MAP3K15: variants seen among roughly 807,000 people sequenced by gnomAD.
The protein encoded by MAP3K15 is mitogen-activated protein kinase kinase kinase 15.
Under a neutral mutation model 99.5 loss-of-function variants are expected in MAP3K15, and 124 were observed. The observed-to-expected ratio is 1.25, with a 90% CI of 1.08 to 1.45. The LOEUF (loss-of-function observed/expected upper bound fraction) is 1.45, where lower values mean the gene tolerates loss of function less well. Ranked by LOEUF, MAP3K15 falls within the 40% of genes most tolerant of loss-of-function variation. MAP3K15 has a pLI of 0.00. For synonymous variants in MAP3K15, 494 were observed against 439.6 expected (o/e 1.12, Z -1.55); for missense variants, 1,242 against 1,079.7 (o/e 1.15, Z -2.11).
At position 19,415,187 on chromosome X, in the gene MAP3K15, G is replaced by C; in HGVS notation, c.1510C>G (p.Pro504Ala). The change falls in exon 10 of 29, where the codon CCC becomes GCC. Residue 504 changes from proline to alanine, a missense_variant. Transcript: ENST00000338883. ...CAGAAGTTCAGCCGCTCTTGCCTGG[G>C]CGAGTGTTCAATAATGGTTTTCTTG... ...RFKKTIIEHSPRQERLNFWLD... is the reference protein window; with the variant it reads ...RFKKTIIEHSARQERLNFWLD... 1 of 1,177,737 alleles carries C rather than the reference G, an allele frequency of 8.5e-7. No homozygotes were observed. Among genetic ancestry groups the C allele is most frequent in the Non-Finnish European group, 1.1e-6 (1 of 883,951 alleles).
intron 2 of MAP3K15, among the ~76,000 whole-genome samples, chrX:19,487,905 G>C (rs996650696): frequency 9.0e-6 from 1 of 110,779 alleles, no homozygotes; most frequent in Non-Finnish European, 1.9e-5. Context: ...CAAACCATTG[G>C]TTCTCACCCA....
intron 9 of MAP3K15, among the ~76,000 whole-genome samples, chrX:19,424,052 G>A (rs1055148376): frequency 5.4e-5 from 6 of 110,787 alleles, no homozygotes; most frequent in Non-Finnish European, 1.1e-4. Flanking sequence ...AAGCTTGCAC[G>A]TGGTCTCTCC....
chrX:19,460,361 T>C (rs1161021666), intron 4 of MAP3K15, among the ~76,000 whole-genome samples: 1 of 111,915 alleles, frequency 8.9e-6, no homozygotes, highest in Non-Finnish European at 1.9e-5. Flanking sequence ...AATCAGTTCA[T>C]TCAACCTTGA....
chrX:19,448,822 G>A (rs2064019662), intron 6 of MAP3K15, among the ~76,000 whole-genome samples: 1 of 109,246 alleles, frequency 9.2e-6, no homozygotes, highest in African/African-American at 3.3e-5. Flanking sequence ...GGAAATAGAA[G>A]GGCAATTAAC....
chrX:19,490,499 A>G (rs888111573), intron 1 of MAP3K15, among the ~76,000 whole-genome samples: 5 of 111,129 alleles, frequency 4.5e-5, no homozygotes, highest in African/African-American at 9.8e-5. Flanking sequence ...TGTAATCCCA[A>G]CACTTTAGTT....
At chrX:19,485,050 T>C (rs2064313801) in intron 3 of MAP3K15, among the ~76,000 whole-genome samples, 1 of 111,161 alleles carries the variant, frequency 9.0e-6, no homozygotes, top group Non-Finnish European at 1.9e-5. Context: ...GGCTCACGCC[T>C]GTAATCTCAG....
intron 7 of MAP3K15, 117 bp downstream of exon 7, chrX:19,431,321 T>C (rs1444038653): frequency 1.5e-5 from 10 of 674,634 alleles, no homozygotes; most frequent in Non-Finnish European, 2.1e-5. Context: ...TTACTACAAA[T>C]GTTTGCTCCC....
At chrX:19,513,774 G>A (rs2064537115) in intron 1 of MAP3K15, among the ~76,000 whole-genome samples, 1 of 111,597 alleles carries the variant, frequency 9.0e-6, no homozygotes, top group African/African-American at 3.3e-5. Flanking sequence ...GGTAATTACT[G>A]TCTCACATAT....
intron 4 of MAP3K15, among the ~76,000 whole-genome samples, chrX:19,462,954 A>T (rs185203393): frequency 7.1e-5 from 8 of 112,635 alleles, no homozygotes; most frequent in African/African-American, 9.6e-5. Flanking sequence ...CTACTGATAC[A>T]TACACACACT....
chrX:19,509,024 G>A (rs1169314369), intron 1 of MAP3K15, among the ~76,000 whole-genome samples: 2 of 111,699 alleles, frequency 1.8e-5, no homozygotes, highest in Non-Finnish European at 3.8e-5. Context: ...TCTTGCTTAC[G>A]TCCAAGGCCT....
At chrX:19,387,895 C>A (rs1267711868) in intron 18 of MAP3K15, among the ~76,000 whole-genome samples, 5 of 112,491 alleles carry the variant, frequency 4.4e-5, no homozygotes, top group African/African-American at 1.6e-4. Context: ...CAGGCCCCTG[C>A]CCACGACACA....
intron 6 of MAP3K15, among the ~76,000 whole-genome samples, chrX:19,446,313 ATC>A (rs2063998065): frequency 8.9e-6 from 1 of 112,138 alleles, no homozygotes; most frequent in Non-Finnish European, 1.9e-5. Context: ...GTCTTAAAGG[ATC>A]TGTCTCTAAT....
intron 9 of MAP3K15, among the ~76,000 whole-genome samples, chrX:19,415,561 C>G (rs2063727440): frequency 8.9e-6 from 1 of 111,736 alleles, no homozygotes; most frequent in Non-Finnish European, 1.9e-5. Context: ...TTTTAAATAA[C>G]AAGGGCAGGC....
intron 1 of MAP3K15, among the ~76,000 whole-genome samples, chrX:19,498,027 T>A (rs910838793): frequency 1.2e-4 from 13 of 112,000 alleles, no homozygotes; most frequent in Non-Finnish European, 1.9e-5. Flanking sequence ...TTGCTGCTTT[T>A]AAATAATGTA....
intron 3 of MAP3K15, among the ~76,000 whole-genome samples, chrX:19,476,879 T>C (rs1402841422): frequency 3.6e-5 from 4 of 111,640 alleles, no homozygotes; most frequent in Non-Finnish European, 7.5e-5. Flanking sequence ...AGTCACCTCA[T>C]TAAAATCATC....
chrX:19,407,193 G>A lies in MAP3K15; in HGVS notation c.1839C>T (p.Cys613=). The change falls in exon 13 of 29, where the codon TGC becomes TGT. Residue 613 remains cysteine (C), a synonymous_variant. Transcript: ENST00000338883. ...FQIYFSTEEQ[C]SRFFSLVKEM... Reference sequence around the variant, plus strand: ...CTGAATTGGCTGTAACTCACCTACTGCACTGCTCTTCGGTGGAAAAGTAGA... The same window carrying A: ...CTGAATTGGCTGTAACTCACCTACTACACTGCTCTTCGGTGGAAAAGTAGA... The A allele has an allele frequency of 8.5e-7, 1 of 1,175,721 alleles. No homozygotes were observed. The highest frequency in any genetic ancestry group is 1.9e-5 in the South Asian group (1 of 52,919).
chrX:19,500,367 C>A (rs1354842911), intron 1 of MAP3K15, among the ~76,000 whole-genome samples: 1 of 111,847 alleles, frequency 8.9e-6, no homozygotes, highest in Non-Finnish European at 1.9e-5. Context: ...GGGTAATGTA[C>A]ATGCTTGAAA....
At chrX:19,372,623 AAG>A in intron 22 of MAP3K15, 28 bp downstream of exon 22, 1 of 1,180,230 alleles carries the variant, frequency 8.5e-7, no homozygotes, top group South Asian at 1.9e-5. Context: ...AGGGAGCGGG[AAG>A]AGTCGGTGCC....
intron 6 of MAP3K15, among the ~76,000 whole-genome samples, chrX:19,441,547 T>C (rs1319664060): frequency 1.8e-5 from 2 of 111,839 alleles, no homozygotes; most frequent in Non-Finnish European, 3.8e-5. Context: ...ACGATCTCAC[T>C]GCATCCTCCG....
Sources: gnomAD v4.1 joint callset for allele counts (sites outside exome capture counted in the v4.1 genomes callset) on GRCh38, gnomAD v4.1.1 for gene constraint, MANE v1.5 for transcripts, NCBI Gene and HGNC (gene_info 2026-07-23, HGNC 2026-07-21) for gene names.